Variants in TBCD observed in about 807,000 individuals in gnomAD.
The protein encoded by TBCD is tubulin-specific chaperone D.
Under a neutral mutation model 169.3 loss-of-function variants are expected in TBCD, and 105 were observed. That is an observed-to-expected ratio of 0.62 (90% confidence interval 0.53 to 0.73). The LOEUF is 0.73. TBCD is among the 30% of genes least tolerant of loss of function. The pLI is 0.00. For synonymous variants in TBCD, 700 were observed against 643.9 expected, an observed-to-expected ratio of 1.09 and a Z score of -1.32; for missense variants, 1,444 against 1,600.1, an observed-to-expected ratio of 0.90 and a Z score of 1.66.
intron 1 of TBCD, among the ~76,000 whole-genome samples, chr17:82,754,057 T>C (rs1470312368): frequency 2.0e-5 from 3 of 151,636 alleles, no homozygotes; most frequent in South Asian, 2.1e-4. Flanking sequence ...TTCGTATTAT[T>C]AGTAGTGACG....
chr17:82,936,882 G>C (rs540624802), intron 34 of TBCD, among the ~76,000 whole-genome samples: 119 of 152,364 alleles, frequency 7.8e-4, no homozygotes, highest in African/African-American at 2.8e-3. Flanking sequence ...TGTGTCGGCA[G>C]TTTCCCCCGG....
chr17:82,940,547 C>T (rs2063100990), intron 37 of TBCD, among the ~76,000 whole-genome samples: 1 of 152,188 alleles, frequency 6.6e-6, no homozygotes, highest in Non-Finnish European at 1.5e-5. Flanking sequence ...AGCTCACGCA[C>T]CAGGCAGCCG....
intron 7 of TBCD, among the ~76,000 whole-genome samples, chr17:82,791,631 C>A (rs1417596530): frequency 6.6e-6 from 1 of 152,166 alleles, no homozygotes; most frequent in Non-Finnish European, 1.5e-5. Flanking sequence ...CCAGAAGGCT[C>A]AGTGATGGGG....
chr17:82,878,966 TCTAACA>T (rs1040673860), intron 14 of TBCD, among the ~76,000 whole-genome samples: 1 of 152,208 alleles, frequency 6.6e-6, no homozygotes, highest in African/African-American at 2.4e-5. Flanking sequence ...TGAGTTATAA[TCTAACA>T]CTAACTATTG....
In TBCD at chr17:82,752,415, G is replaced by GC. The variant is rs2047146501; in HGVS notation, c.184+41dup. 10 of 1,198,848 alleles carry GC rather than the reference G, an allele frequency of 8.3e-6. No homozygotes were observed. In the South Asian group the frequency reaches 3.6e-4, roughly 43 times the overall value. 74.3% of individuals were successfully genotyped at this position (1,198,848 alleles called of 1,614,324 possible). ...CGCCGCGTGCCCGCTTCCTCCCCCG[G>GC]CCCGGGTTCGGCGCGCTGAGTGCAC... is the stretch of plus-strand genomic sequence containing the variant. On this transcript the variant is annotated intron_variant, in intron 1 of 38. Coordinates refer to ENST00000355528, the MANE Select transcript of TBCD (RefSeq NM_005993.5).
intron 13 of TBCD, chr17:82,838,536 A>G: frequency 8.7e-6 from 5 of 573,704 alleles, no homozygotes; most frequent in Non-Finnish European, 1.1e-5. Flanking sequence ...GCATGCTGTA[A>G]TTACAATATT....
intron 17 of TBCD, among the ~76,000 whole-genome samples, chr17:82,897,899 C>G (rs1212893907): frequency 6.6e-6 from 1 of 151,544 alleles, no homozygotes; most frequent in Non-Finnish European, 1.5e-5. Flanking sequence ...GCTCTGTTCT[C>G]CCCGGCTGGT....
At chr17:82,753,783 TAG>T (rs1186512280) in intron 1 of TBCD, among the ~76,000 whole-genome samples, 5 of 151,102 alleles carry the variant, frequency 3.3e-5, no homozygotes, top group South Asian at 2.1e-4. Flanking sequence ...GCTGCCCAGA[TAG>T]AGTTGATTTG....
chr17:82,813,912 TG>T (rs2051655105), intron 12 of TBCD, among the ~76,000 whole-genome samples: 2 of 152,326 alleles, frequency 1.3e-5, no homozygotes, highest in South Asian at 4.1e-4. Flanking sequence ...AGGCAGCCAC[TG>T]GGCGGACAGG....
chr17:82,818,332 G>C (rs1188555436), intron 13 of TBCD, among the ~76,000 whole-genome samples: 1 of 152,226 alleles, frequency 6.6e-6, no homozygotes, highest in Non-Finnish European at 1.5e-5. Flanking sequence ...GGTTCTTTCA[G>C]GCAGGGGTGA....
chr17:82,932,987 T>G, intron 34 of TBCD: 18 of 485,286 alleles, frequency 3.7e-5, no homozygotes, highest in East Asian at 1.2e-4. Flanking sequence ...GCGGGGGCCC[T>G]GCTGTGCACT....
chr17:82,893,445 G>T (rs1326259718), intron 16 of TBCD, 102 bp from the exon 17 acceptor site: 3 of 920,436 alleles, frequency 3.3e-6, no homozygotes, highest in Non-Finnish European at 5.0e-6. Flanking sequence ...CAGGGCTCGG[G>T]GTTCATGAGT....
chr17:82,765,446 T>C (rs2047970115), intron 3 of TBCD, among the ~76,000 whole-genome samples: 1 of 152,120 alleles, frequency 6.6e-6, no homozygotes, highest in East Asian at 1.9e-4. Context: ...TGCGGGTGTC[T>C]GTGTGCTGGC....
chr17:82,939,132 T>G (rs1422367888), intron 36 of TBCD: 2 of 580,756 alleles, frequency 3.4e-6, no homozygotes, highest in Non-Finnish European at 3.1e-6. Flanking sequence ...TGATGTCATC[T>G]TCACTGCTGG....
rs567453470 is a variant in TBCD at position 82,929,745 on chromosome 17, G to A, written c.2991+245G>A. The stretch of plus-strand genomic sequence containing the variant: ...CCAGCGCCACTCTCTTCCTGCGGCC[G>A]CAGCCTTGGAGCTCCCAGCGTCCCC... On this transcript the variant is annotated intron_variant, in intron 32 of 38. Coordinates refer to ENST00000355528, the MANE Select transcript of TBCD (RefSeq NM_005993.5). The A allele has an allele frequency of 1.4e-4, 87 of 624,118 alleles. 1 individual carries two copies. In the African/African-American group the frequency reaches 1.4e-3, roughly 10 times the overall value. 38.7% of individuals were successfully genotyped at this position (624,118 alleles called of 1,614,324 possible).
At chr17:82,872,995 C>T (rs908245739) in intron 14 of TBCD, among the ~76,000 whole-genome samples, 3 of 151,974 alleles carry the variant, frequency 2.0e-5, no homozygotes, top group East Asian at 1.9e-4. Flanking sequence ...ACCTCGTGGC[C>T]GACGGCTTCT....
rs1284616833 is a variant in TBCD, at chr17:82,929,224, C to T, written c.2805C>T (p.Pro935=). ...FLTLLHFDSP[P]IPHVPHRGEL... ...CGCTCCTGCACTTTGACAGCCCTCCCATCCCCCACGTGCCCCACCGAGGAG... is the reference window on the plus strand; with the variant it reads ...CGCTCCTGCACTTTGACAGCCCTCCTATCCCCCACGTGCCCCACCGAGGAG... Residue 935 remains proline (P), a synonymous_variant, in exon 31 of 39, where the codon CCC becomes CCT. Transcript: ENST00000355528. 1.2e-6 allele frequency: 2 copies of T among 1,613,788 alleles called. No homozygotes were observed. Among genetic ancestry groups the T allele is most frequent in the Non-Finnish European group, 1.7e-6 (2 of 1,179,878 alleles).
chr17:82,872,248 C>T lies in TBCD; in HGVS notation c.1475+1868C>T, dbSNP rs143226345. On this transcript the variant is annotated intron_variant, in intron 14 of 38. Coordinates refer to ENST00000355528, the MANE Select transcript of TBCD (RefSeq NM_005993.5). ...CCTGCTCCTCTTCGGAGGAGAACAG[C>T]GCGGCTGGAGGGTGCTGGTGCTGGC... Among the ~76,000 whole-genome samples the T allele has an allele frequency of 2.0e-4, 30 of 152,338 alleles. 1 individual carries two copies. In the East Asian group the frequency reaches 5.6e-3, roughly 28 times the overall value.
intron 6 of TBCD, among the ~76,000 whole-genome samples, chr17:82,775,644 A>G (rs929200992): frequency 3.4e-5 from 5 of 148,060 alleles, no homozygotes; most frequent in African/African-American, 1.2e-4. Flanking sequence ...ACAGCGCTGT[A>G]GGTGGTGCTT....
Sources: gnomAD v4.1 joint callset for allele counts (sites outside exome capture counted in the v4.1 genomes callset) on GRCh38, gnomAD v4.1.1 for gene constraint, MANE v1.5 for transcripts, NCBI Gene and HGNC (gene_info 2026-07-23, HGNC 2026-07-21) for gene names.